Variants in SEPTIN10 observed in about 807,000 individuals in gnomAD.
The protein encoded by SEPTIN10 is septin 10, also known as septin-10.
SEPTIN10 carries 66 observed loss-of-function variants against 54.8 expected under a neutral mutation model. That is an observed-to-expected ratio of 1.21 (90% CI 0.99 to 1.48). The LOEUF (loss-of-function observed/expected upper bound fraction) is 1.48. Among genes scored for constraint, SEPTIN10 ranks in the 40% most tolerant of loss-of-function variants. SEPTIN10 has a pLI of 0.00. For missense variants in SEPTIN10, 620 were observed against 545.6 expected (o/e 1.14, Z -1.36); for synonymous variants, 161 against 181.0 (o/e 0.89, Z 0.89).
At chr2:109,579,466 C>T (rs1220736028) in intron 4 of SEPTIN10, among the ~76,000 whole-genome samples, 1 of 150,932 alleles carries the variant, frequency 6.6e-6, no homozygotes, top group Non-Finnish European at 1.5e-5. Flanking sequence ...TCACTGCAAA[C>T]TCTGCCTCCT....
chr2:109,569,758 C>G (rs367677557), intron 5 of SEPTIN10, among the ~76,000 whole-genome samples: 9 of 152,110 alleles, frequency 5.9e-5, no homozygotes, highest in African/African-American at 2.2e-4. Context: ...CTGCAGTAGA[C>G]TGAATACTAA....
rs374649083 is a variant in SEPTIN10 at position 109,553,191 on chromosome 2, G to C, written c.1057C>G (p.His353Asp). 1.9e-6 allele frequency: 3 copies of C among 1,614,030 alleles called. No individual in the cohort carries two copies. The highest frequency in any genetic ancestry group is 2.5e-6 in the Non-Finnish European group (3 of 1,179,984). The change falls in exon 9 of 11, where the codon CAT becomes GAT. Residue 353 changes from histidine (H) to aspartate (D), a missense_variant. By Grantham distance (81) the His-to-Asp change is moderately conservative. Transcript: ENST00000397712. ...SVQETYEAKR[H>D]EFHGERQRKE... ...CTCTGACGTTCACCATGGAACTCAT[G>C]TCTTTTGGCTTCATAGGTCTCTTGA...
chr2:109,567,928 C>G lies in SEPTIN10; in HGVS notation c.649G>C (p.Glu217Gln), dbSNP rs758232657. The change falls in exon 6 of 11, where the codon GAA (glutamate) becomes CAA (glutamine). Residue 217 changes from glutamate (E) to glutamine (Q), a missense_variant. Glu to Gln is a conservative substitution (Grantham distance 29). Transcript: ENST00000397712. The part of the protein sequence containing the change: ...IAKADTVSKT[E>Q]LQKFKIKLMS... The stretch of plus-strand genomic sequence containing the variant: ...AGCTTGATCTTAAACTTCTGTAATT[C>G]AGTTTTAGAAACCGTATCTGCTTTG... The G allele has an allele frequency of 1.2e-6, 2 of 1,613,860 alleles. No homozygotes were observed. The highest frequency in any genetic ancestry group is 3.3e-5 in the Admixed American group (2 of 59,984).
At chr2:109,568,930 C>CTG (rs1423379599) in intron 5 of SEPTIN10, among the ~76,000 whole-genome samples, 3 of 152,180 alleles carry the variant, frequency 2.0e-5, no homozygotes, top group African/African-American at 7.2e-5. Context: ...CTATCACTGA[C>CTG]AGAGGGCAAG....
intron 1 of SEPTIN10, among the ~76,000 whole-genome samples, chr2:109,607,260 C>T (rs1698204737): frequency 6.6e-6 from 1 of 152,130 alleles, no homozygotes; most frequent in East Asian, 1.9e-4. Flanking sequence ...AACAATATTA[C>T]AAACAGCTAA....
chr2:109,542,993 A>T lies in SEPTIN10; in HGVS notation c.*1316T>A, dbSNP rs1473686216. 1.3e-5 allele frequency: 2 copies of T among 152,664 alleles called. No individual in the cohort carries two copies. The highest frequency in any genetic ancestry group is 6.5e-5 in the Admixed American group (1 of 15,280). The allele number at this position is 152,664 out of a possible 1,614,324, so 9.5% of individuals were successfully genotyped here. ...GAAAATTAAACACATTTTAGTAAAT[A>T]TATGTTTTATTTGTCAAGAGTAAAT... is the stretch of plus-strand genomic sequence containing the variant. On this transcript the variant is annotated 3_prime_UTR_variant, in exon 11 of 11. Coordinates refer to ENST00000397712, the MANE Select transcript of SEPTIN10 (RefSeq NM_144710.5).
intron 8 of SEPTIN10, among the ~76,000 whole-genome samples, chr2:109,555,931 A>C (rs1684269734): frequency 6.6e-6 from 1 of 152,082 alleles, no homozygotes; most frequent in South Asian, 2.1e-4. Flanking sequence ...GTTAGAATTA[A>C]CTGTTCCTTC....
chr2:109,602,943 T>C (rs1327081851), intron 1 of SEPTIN10, among the ~76,000 whole-genome samples: 3 of 148,146 alleles, frequency 2.0e-5, no homozygotes, highest in Non-Finnish European at 4.5e-5. Context: ...CAGTGGTGTG[T>C]ACCTGTGGAA....
At chr2:109,574,212 G>A (rs1009851647) in intron 5 of SEPTIN10, among the ~76,000 whole-genome samples, 1 of 150,976 alleles carries the variant, frequency 6.6e-6, no homozygotes, top group African/African-American at 2.4e-5. Flanking sequence ...ACCAAGGAAG[G>A]AAAATCACTT....
rs146923692 is a variant in SEPTIN10 at position 109,544,015 on chromosome 2, G to C, written c.*294C>G. ...TGAACCATCAGAAAGCAAAGGTGTC[G>C]GGTGGGGAATTTTCCACTTGTGGGG... is the stretch of plus-strand genomic sequence containing the variant. On this transcript the variant is annotated 3_prime_UTR_variant, in exon 11 of 11. Transcript: ENST00000397712. The C allele has an allele frequency of 1.6e-5, 12 of 752,128 alleles. No individual in the cohort carries two copies. Among genetic ancestry groups the C allele is most frequent in the Non-Finnish European group, 2.3e-5 (11 of 469,548 alleles). 46.6% of individuals were successfully genotyped at this position (752,128 alleles called of 1,614,324 possible). A position where few individuals can be genotyped will look rare whatever the true frequency, so the allele number is the denominator to read the frequency against.
intron 8 of SEPTIN10, among the ~76,000 whole-genome samples, chr2:109,559,294 GAA>G (rs1685090141): frequency 6.6e-6 from 1 of 152,272 alleles, no homozygotes; most frequent in Admixed American, 6.5e-5. Context: ...CAAAGAACCA[GAA>G]GAGACATTTT....
At chr2:109,557,344 G>A (rs971014113) in intron 8 of SEPTIN10, among the ~76,000 whole-genome samples, 1 of 152,124 alleles carries the variant, frequency 6.6e-6, no homozygotes, top group African/African-American at 2.4e-5. Flanking sequence ...TACTGGCAGG[G>A]TACTCTTCTG....
chr2:109,553,297 C>A, intron 8 of SEPTIN10, 78 bp from the exon 9 acceptor site: 1 of 1,487,346 alleles, frequency 6.7e-7, no homozygotes, highest in Non-Finnish European at 9.2e-7. Context: ...GTAATCCCAA[C>A]ACTTTGGGAG....
At chr2:109,557,487 T>G (rs1183825878) in intron 8 of SEPTIN10, among the ~76,000 whole-genome samples, 1 of 152,236 alleles carries the variant, frequency 6.6e-6, no homozygotes, top group Non-Finnish European at 1.5e-5. Flanking sequence ...AAGCTGGGAT[T>G]TGAACCAGAT....
intron 9 of SEPTIN10, among the ~76,000 whole-genome samples, chr2:109,548,827 C>T (rs1682063080): frequency 1.5e-5 from 2 of 137,878 alleles, no homozygotes; most frequent in South Asian, 5.3e-4. Context: ...GGAAATATTT[C>T]ACTGAAAATC....
intron 9 of SEPTIN10, chr2:109,552,734 T>G (rs1683300491): frequency 5.1e-6 from 1 of 197,540 alleles, no homozygotes; most frequent in Admixed American, 6.0e-5. Context: ...CCACTGAGAC[T>G]GGTTGAATGA....
rs1263743223 is a variant in SEPTIN10, at chr2:109,564,656, T to C, written c.860-122A>G. The C allele has an allele frequency of 3.9e-5, 32 of 828,428 alleles. No individual in the cohort carries two copies. The East Asian group carries it at 5.2e-4, about 13-fold the overall frequency. The allele number at this position is 828,428 out of a possible 1,614,324, so 51.3% of individuals were successfully genotyped here. ...AAACAACAAATAGCAAATGATCAGTTTGATTAACAGCTACGATTATTTTAT... is the reference window on the plus strand; with the variant it reads ...AAACAACAAATAGCAAATGATCAGTCTGATTAACAGCTACGATTATTTTAT... On this transcript the variant is annotated intron_variant, in intron 7 of 10. Transcript: ENST00000397712.
At chr2:109,558,650 T>G (rs73953160) in intron 8 of SEPTIN10, among the ~76,000 whole-genome samples, 105 of 152,296 alleles carry the variant, frequency 6.9e-4, no homozygotes, top group African/African-American at 2.3e-3. Flanking sequence ...GCTGGTAGAT[T>G]AGGATACCCA....
In SEPTIN10 at chr2:109,593,054, C is replaced by G; in HGVS notation, c.96G>C (p.Gln32His). Residue 32 changes from glutamine (Q) to histidine (H), a missense_variant, in exon 2 of 11, where the codon CAG becomes CAC. Coordinates refer to ENST00000397712, the MANE Select transcript of SEPTIN10 (RefSeq NM_144710.5). ...TCTATTTAAAAGACATACTCACTAT[C>G]TGTTCATCATCTGATCCTTGTGAAG... is the stretch of plus-strand genomic sequence containing the variant. ...CMSSQGSDDE[Q>H]IKRENIRSLT... 1.9e-6 allele frequency: 3 copies of G among 1,584,102 alleles called. No homozygotes were observed. The East Asian group carries it at 6.8e-5, about 36-fold the overall frequency.
Sources: allele counts gnomAD v4.1 joint callset (sites outside exome capture counted in the v4.1 genomes callset), GRCh38; gene constraint gnomAD v4.1.1; transcripts MANE v1.5; gene names NCBI Gene and HGNC (gene_info 2026-07-23, HGNC 2026-07-21).